Variants in CNTNAP4 observed in about 807,000 individuals in gnomAD.
CNTNAP4 encodes contactin associated protein family member 4.
In CNTNAP4, 98 loss-of-function variants were observed where a neutral mutation model predicts 148.4. That is an observed-to-expected ratio of 0.66 (90% CI 0.56 to 0.78). The LOEUF (loss-of-function observed/expected upper bound fraction) is 0.78. Among genes scored for constraint, CNTNAP4 ranks in the 30% least tolerant of loss-of-function variants. CNTNAP4 has a pLI of 0.00. For synonymous variants in CNTNAP4, 730 were observed against 565.1 expected (o/e 1.29, Z -4.14); for missense variants, 1,935 against 1,565.6 (o/e 1.24, Z -3.98).
intron 1 of CNTNAP4, among the ~76,000 whole-genome samples, chr16:76,299,669 C>G (rs1242158234): frequency 6.6e-6 from 1 of 152,134 alleles, no homozygotes; most frequent in Non-Finnish European, 1.5e-5. Flanking sequence ...GATTATAAAT[C>G]ATGCTGCTAT....
chr16:76,363,066 A>G (rs1442154280), intron 3 of CNTNAP4, among the ~76,000 whole-genome samples: 4 of 152,016 alleles, frequency 2.6e-5, no homozygotes, highest in African/African-American at 2.4e-5. Flanking sequence ...ATTAAAAAAA[A>G]AAAAATAGAC....
chr16:76,401,990 G>A (rs1319416266), intron 3 of CNTNAP4, among the ~76,000 whole-genome samples: 1 of 152,076 alleles, frequency 6.6e-6, no homozygotes, highest in Non-Finnish European at 1.5e-5. Flanking sequence ...CAAAAATATT[G>A]TCCTGAAGTT....
intron 1 of CNTNAP4, among the ~76,000 whole-genome samples, chr16:76,279,887 C>T (rs930777466): frequency 1.3e-5 from 2 of 152,092 alleles, no homozygotes; most frequent in African/African-American, 2.4e-5. Context: ...GTAAGGTCTA[C>T]TTGTACCAAG....
In CNTNAP4 at chr16:76,404,963, C is replaced by A. The variant is rs2078550774; in HGVS notation, c.391-22489C>A. On this transcript the variant is annotated intron_variant, in intron 3 of 23. Transcript: ENST00000611870. Reference sequence around the variant, plus strand: ...CTCTTTCTACAATGTATGCAAAAATCAAAACATCACATTGTACCCCATAAA... The same window carrying A: ...CTCTTTCTACAATGTATGCAAAAATAAAAACATCACATTGTACCCCATAAA... Among the ~76,000 whole-genome samples the A allele has an allele frequency of 4.6e-5, 7 of 152,048 alleles. No homozygotes were observed. In the South Asian group the frequency reaches 1.4e-3, roughly 31 times the overall value.
intron 15 of CNTNAP4, among the ~76,000 whole-genome samples, chr16:76,504,387 G>A (rs1397270309): frequency 1.3e-5 from 2 of 149,674 alleles, no homozygotes; most frequent in African/African-American, 4.9e-5. Flanking sequence ...GGAACAATTC[G>A]AATCCAATTG....
intron 3 of CNTNAP4, among the ~76,000 whole-genome samples, chr16:76,388,401 A>G (rs1175996541): frequency 1.3e-5 from 2 of 152,238 alleles, no homozygotes; most frequent in Non-Finnish European, 1.5e-5. Flanking sequence ...TTGAGGCAGT[A>G]ATGAAGTGGT....
intron 1 of CNTNAP4, among the ~76,000 whole-genome samples, chr16:76,296,287 T>A (rs1369819460): frequency 6.6e-6 from 1 of 152,208 alleles, no homozygotes; most frequent in East Asian, 1.9e-4. Flanking sequence ...AGCATTATAA[T>A]GTTTTCCTGC....
At chr16:76,525,653 ATT>A (rs2083693545) in intron 17 of CNTNAP4, among the ~76,000 whole-genome samples, 1 of 145,568 alleles carries the variant, frequency 6.9e-6, no homozygotes, top group African/African-American at 2.5e-5. Flanking sequence ...AAACTATAAA[ATT>A]ATATATAGTT....
At chr16:76,433,291 G>C (rs987781658) in intron 4 of CNTNAP4, among the ~76,000 whole-genome samples, 1 of 152,110 alleles carries the variant, frequency 6.6e-6, no homozygotes, top group African/African-American at 2.4e-5. Flanking sequence ...TAGCCTACCA[G>C]GAGAACTGAG....
At chr16:76,339,856 A>T (rs1964325295) in intron 2 of CNTNAP4, among the ~76,000 whole-genome samples, 1 of 152,244 alleles carries the variant, frequency 6.6e-6, no homozygotes, top group South Asian at 2.1e-4. Flanking sequence ...ATTCTTAGCT[A>T]TTAATTTAAC....
chr16:76,472,122 A>G (rs1007310650), intron 10 of CNTNAP4, among the ~76,000 whole-genome samples: 1 of 150,152 alleles, frequency 6.7e-6, no homozygotes, highest in Non-Finnish European at 1.5e-5. Flanking sequence ...TTTCGTGGCT[A>G]GAGAAAATGG....
intron 3 of CNTNAP4, among the ~76,000 whole-genome samples, chr16:76,393,161 C>A (rs768499590): frequency 1.3e-5 from 2 of 152,140 alleles, no homozygotes; most frequent in East Asian, 3.9e-4. Flanking sequence ...CCAACAAACC[C>A]CTATCTAGCC....
chr16:76,378,173 G>A (rs528951652), intron 3 of CNTNAP4, among the ~76,000 whole-genome samples: 1 of 152,188 alleles, frequency 6.6e-6, no homozygotes, highest in Admixed American at 6.5e-5. Flanking sequence ...AATTACCTAT[G>A]GGATACAATG....
chr16:76,448,892 G>A lies in CNTNAP4; in HGVS notation c.868G>A (p.Glu290Lys), dbSNP rs776621681. Residue 290 changes from glutamate to lysine, a missense_variant, in exon 6 of 24, where the codon GAA becomes AAA. Transcript: ENST00000611870. ...CAAACAAGTCAACTTCACAGTGGAC[G>A]AACACAGGCATCATTTCCATGCACG... ...LGKQVNFTVD[E>K]HRHHFHARGE... is the part of the protein sequence containing the mutation. The A allele has an allele frequency of 4.3e-6, 7 of 1,613,698 alleles. No individual in the cohort carries two copies. Among genetic ancestry groups the A allele is most frequent in the East Asian group, 4.5e-5 (2 of 44,844 alleles).
intron 3 of CNTNAP4, among the ~76,000 whole-genome samples, chr16:76,383,395 G>GAAAA (rs34346486): frequency 1.7e-5 from 1 of 58,268 alleles, no homozygotes; most frequent in Non-Finnish European, 4.2e-5. Flanking sequence ...TACAGGAACA[G>GAAAA]AAAAAAAAAA....
chr16:76,467,357 C>A lies in CNTNAP4; in HGVS notation c.1489C>A (p.Pro497Thr), dbSNP rs2081209340. ...ATTTATTTCGTTTTTATCAGGTTGT[C>A]CTGACAAAAGCTTTGGATCCAAATG... is the stretch of plus-strand genomic sequence containing the variant. ...SGGTYYFGGC[P>T]DKSFGSKCKS... Residue 497 changes from proline to threonine, a missense_variant, in exon 10 of 24, where the codon CCT (proline) becomes ACT (threonine). Pro to Thr is a conservative substitution (Grantham distance 38). Transcript: ENST00000611870. 4 of 1,613,486 alleles carry A rather than the reference C, an allele frequency of 2.5e-6. No homozygotes were observed. The highest frequency in any genetic ancestry group is 3.4e-6 in the Non-Finnish European group (4 of 1,179,760).
chr16:76,286,363 G>T (rs2143785633), intron 1 of CNTNAP4, among the ~76,000 whole-genome samples: 1 of 152,214 alleles, frequency 6.6e-6, no homozygotes, highest in Admixed American at 6.5e-5. Context: ...TACCAGAGTA[G>T]TCTCCAGTAT....
intron 3 of CNTNAP4, among the ~76,000 whole-genome samples, chr16:76,380,137 T>A (rs1207831679): frequency 1.3e-5 from 2 of 152,200 alleles, no homozygotes. Context: ...CTGGAAAATG[T>A]GTTCATAAAG....
At chr16:76,323,559 A>G (rs1232831846) in intron 2 of CNTNAP4, among the ~76,000 whole-genome samples, 1 of 152,102 alleles carries the variant, frequency 6.6e-6, no homozygotes, top group Non-Finnish European at 1.5e-5. Flanking sequence ...ACCACTTCTG[A>G]GATTAATATA....
Sources: gnomAD v4.1 joint callset for allele counts (sites outside exome capture counted in the v4.1 genomes callset) on GRCh38, gnomAD v4.1.1 for gene constraint, MANE v1.5 for transcripts, NCBI Gene and HGNC (gene_info 2026-07-23, HGNC 2026-07-21) for gene names.